The following PCDHGA7 variants were observed in gnomAD, a reference collection of about 807,000 sequenced individuals.
The protein encoded by PCDHGA7 is protocadherin gamma-A7.
PCDHGA7 carries 44 observed loss-of-function variants against 58.3 expected under a neutral mutation model. That is an observed-to-expected ratio of 0.75 (90% CI 0.59 to 0.97). The LOEUF is 0.97. PCDHGA7 is among the 50% of genes least tolerant of loss of function. The probability of loss-of-function intolerance (pLI) is 0.00; values close to 1 mark genes in which losing one functional copy is unlikely to be tolerated. For missense variants in PCDHGA7, 1,266 were observed against 1,188.7 expected, an observed-to-expected ratio of 1.06 and a Z score of -0.96; for synonymous variants, 516 against 504.2, an observed-to-expected ratio of 1.02 and a Z score of -0.31.
At chr5:141,419,392 C>A (rs1338481275) in intron 1 of PCDHGA7, 1 of 1,613,612 alleles carries the variant, frequency 6.2e-7, no homozygotes, top group Non-Finnish European at 8.5e-7. Flanking sequence ...GCGCGCAGAG[C>A]GGGGTGGTGT....
At chr5:141,450,642 A>C (rs2098688710) in intron 1 of PCDHGA7, among the ~76,000 whole-genome samples, 1 of 151,504 alleles carries the variant, frequency 6.6e-6, no homozygotes, top group Non-Finnish European at 1.5e-5. Context: ...GCCTGCCACC[A>C]TGCCTGGCTA....
Position 141,493,685 on chromosome 5 carries a change from G to A in PCDHGA7, c.2425-1122G>A, listed in dbSNP as rs139973755. ...CCATGGCAGCCCCAGAATGGTGCTG[G>A]TGACTCCCGATACACCTGGAATGCT... On this transcript the variant is annotated intron_variant, in intron 1 of 3. Transcript: ENST00000518325. The surrounding 1 kb of genome is among the most constrained non-coding windows in gnomAD (Gnocchi z 4.3). 1.1e-3 allele frequency among the ~76,000 whole-genome samples: 165 copies of A among 152,282 alleles called. 3 individuals carry two copies. The highest frequency in any genetic ancestry group is 8.2e-3 in the Admixed American group (125 of 15,298).
At chr5:141,457,784 T>G (rs1021614051) in intron 1 of PCDHGA7, among the ~76,000 whole-genome samples, 1 of 152,210 alleles carries the variant, frequency 6.6e-6, no homozygotes, top group Non-Finnish European at 1.5e-5. Flanking sequence ...TACCTGTGAG[T>G]TGGGTTATCC....
intron 1 of PCDHGA7, chr5:141,417,942 C>T (rs1324501154): frequency 2.5e-6 from 4 of 1,613,090 alleles, no homozygotes; most frequent in South Asian, 1.1e-5. Context: ...TTCTACCCCA[C>T]GCTGTGTGAG....
chr5:141,384,492 A>G lies in PCDHGA7; in HGVS notation c.1593A>G (p.Arg531=). ...AGCAGTTGAGAGAACTACAACTAAG[A>G]GTGACTGCACATGACAGCGGGGACC... is the stretch of plus-strand genomic sequence containing the variant. ...DYEQLRELQL[R]VTAHDSGDPP... The change falls in exon 1 of 4, where the codon AGA becomes AGG. Residue 531 remains arginine (R), a synonymous_variant. Transcript: ENST00000518325. The G allele has an allele frequency of 6.2e-7, 1 of 1,614,164 alleles. No individual in the cohort carries two copies. Among genetic ancestry groups the G allele is most frequent in the South Asian group, 1.1e-5 (1 of 91,090 alleles).
rs752744809 is a variant in PCDHGA7, at chr5:141,393,680, T to C, written c.2424+8357T>C. On this transcript the variant is annotated intron_variant, in intron 1 of 3. Coordinates refer to ENST00000518325, the MANE Select transcript of PCDHGA7 (RefSeq NM_018920.4). The stretch of plus-strand genomic sequence containing the variant: ...TCCGGAAAATTAATGAAAAACAAAC[T>C]CCGTTATTCCAGCTTAATGAAAATA... 8 of 1,613,764 alleles carry C rather than the reference T, an allele frequency of 5.0e-6. No individual in the cohort carries two copies. The East Asian group carries it at 1.1e-4, about 22-fold the overall frequency.
intron 1 of PCDHGA7, among the ~76,000 whole-genome samples, chr5:141,465,031 C>T (rs933448980): frequency 1.3e-5 from 2 of 151,958 alleles, no homozygotes; most frequent in Non-Finnish European, 1.5e-5. Context: ...CATGAACCAC[C>T]ACAAATGACC....
intron 1 of PCDHGA7, chr5:141,478,008 C>T: frequency 6.2e-7 from 1 of 1,614,124 alleles, no homozygotes; most frequent in Non-Finnish European, 8.5e-7. Flanking sequence ...ATCAGTACTG[C>T]CCGTCCAGTC....
rs1264759473 is a variant in PCDHGA7 at position 141,486,183 on chromosome 5, G to A, written c.2425-8624G>A. On this transcript the variant is annotated intron_variant, in intron 1 of 3. Transcript: ENST00000518325. The surrounding 1 kb of genome is among the most constrained non-coding windows in gnomAD (Gnocchi z 5.0). The stretch of plus-strand genomic sequence containing the variant: ...GCCATGGAGCAACATTGCAGCCTTC[G>A]AGTGGATCTGCTGGACGTAAATGAC... 3 of 1,614,154 alleles carry A rather than the reference G, an allele frequency of 1.9e-6. No homozygotes were observed. The highest frequency in any genetic ancestry group is 1.1e-5 in the South Asian group (1 of 91,082).
At position 141,490,543 on chromosome 5, in the gene PCDHGA7, C is replaced by T; in HGVS notation, c.2425-4264C>T. 2 of 1,614,188 alleles carry T rather than the reference C, an allele frequency of 1.2e-6. No homozygotes were observed. Among genetic ancestry groups the T allele is most frequent in the Non-Finnish European group, 8.5e-7 (1 of 1,180,024 alleles). On this transcript the variant is annotated intron_variant, in intron 1 of 3. Transcript: ENST00000518325. The surrounding 1 kb of genome is among the most constrained non-coding windows in gnomAD (Gnocchi z 5.4). ...CAGCGATGCTGGTTCACCTTCCCTA[C>T]ACAAACATCTCACCATCAGGCTCAA...
chr5:141,415,754 T>TTTTG, intron 1 of PCDHGA7: 1 of 1,385,736 alleles, frequency 7.2e-7, no homozygotes, highest in Non-Finnish European at 9.3e-7. Flanking sequence ...TTTTTTTTTT[T>TTTTG]TTTTTTTTTT....
intron 1 of PCDHGA7, chr5:141,393,251 G>A: frequency 6.2e-7 from 1 of 1,613,814 alleles, no homozygotes; most frequent in Non-Finnish European, 8.5e-7. Context: ...ACGAAATCGC[G>A]GTTCCTGGAG....
At chr5:141,395,276 A>G in intron 1 of PCDHGA7, 1 of 1,543,522 alleles carries the variant, frequency 6.5e-7, no homozygotes. Flanking sequence ...TTTCCAGATG[A>G]ATTTTATTTG....
chr5:141,427,907 C>T, intron 1 of PCDHGA7: 1 of 1,575,688 alleles, frequency 6.3e-7, no homozygotes, highest in Non-Finnish European at 8.7e-7. Flanking sequence ...CCGCGCTCAG[C>T]GCCAACATGA....
intron 1 of PCDHGA7, among the ~76,000 whole-genome samples, chr5:141,469,345 G>A (rs2099197832): frequency 6.6e-6 from 1 of 152,128 alleles, no homozygotes; most frequent in Non-Finnish European, 1.5e-5. Context: ...GGGAGGCTGA[G>A]GTGGATGGAT....
intron 1 of PCDHGA7, among the ~76,000 whole-genome samples, chr5:141,474,102 AAAC>A (rs909174523): frequency 2.6e-4 from 40 of 152,286 alleles, no homozygotes; most frequent in African/African-American, 8.7e-4. Flanking sequence ...ACAACAACAA[AAAC>A]AACAACAACG....
intron 1 of PCDHGA7, chr5:141,403,246 G>C: frequency 6.2e-7 from 1 of 1,613,930 alleles, no homozygotes; most frequent in South Asian, 1.1e-5. Flanking sequence ...TCTGTGCTCA[G>C]AGCCCGCGGT....
chr5:141,464,896 G>C (rs1166142533), intron 1 of PCDHGA7, among the ~76,000 whole-genome samples: 2 of 151,554 alleles, frequency 1.3e-5, no homozygotes, highest in African/African-American at 4.8e-5. Context: ...ATGCCACCAT[G>C]TCCAGCTAAT....
chr5:141,486,253 C>G lies in PCDHGA7; in HGVS notation c.2425-8554C>G. On this transcript the variant is annotated intron_variant, in intron 1 of 3. Coordinates refer to ENST00000518325, the MANE Select transcript of PCDHGA7 (RefSeq NM_018920.4). The surrounding 1 kb of genome is among the most constrained non-coding windows in gnomAD (Gnocchi z 5.0). Reference sequence around the variant, plus strand: ...TGACCTCAGAGCTTGGAACCCTCCCCGAGAGTGCAGAACCTGGCACTGTGG... The same window carrying G: ...TGACCTCAGAGCTTGGAACCCTCCCGGAGAGTGCAGAACCTGGCACTGTGG... The G allele has an allele frequency of 6.2e-7, 1 of 1,614,138 alleles. No homozygotes were observed. Among genetic ancestry groups the G allele is most frequent in the East Asian group, 2.2e-5 (1 of 44,866 alleles).
Sources: allele counts gnomAD v4.1 joint callset (sites outside exome capture counted in the v4.1 genomes callset), GRCh38; gene constraint gnomAD v4.1.1; non-coding constraint Gnocchi (gnomAD v3.1); transcripts MANE v1.5; gene names NCBI Gene and HGNC (gene_info 2026-07-23, HGNC 2026-07-21).